The following ERBB4 variants were observed in gnomAD, a reference collection of about 807,000 sequenced individuals.
ERBB4 encodes the protein receptor tyrosine-protein kinase erbB-4.
Under a neutral mutation model 158.0 loss-of-function variants are expected in ERBB4, and 42 were observed. The observed-to-expected ratio is 0.27, with a 90% CI of 0.21 to 0.34. The LOEUF (loss-of-function observed/expected upper bound fraction) is 0.34. Ranked by LOEUF, ERBB4 falls within the 10% of genes least tolerant of loss-of-function variation. ERBB4 has a pLI of 1.00. For missense variants in ERBB4, 1,333 were observed against 1,624.1 expected (o/e 0.82, Z 3.08); for synonymous variants, 583 against 558.7 (o/e 1.04, Z -0.61).
At chr2:211,505,532 T>C (rs1415770366) in intron 20 of ERBB4, among the ~76,000 whole-genome samples, 1 of 149,362 alleles carries the variant, frequency 6.7e-6, no homozygotes, top group Non-Finnish European at 1.5e-5. Context: ...TCTCAGAGCC[T>C]ATAAAGTAAT....
intron 10 of ERBB4, among the ~76,000 whole-genome samples, chr2:211,705,047 C>T (rs969717073): frequency 3.9e-5 from 6 of 152,118 alleles, no homozygotes; most frequent in Admixed American, 1.3e-4. Context: ...ATCTCCACCT[C>T]CTGGGTTCAA....
At chr2:212,062,993 T>G (rs1445293933) in intron 2 of ERBB4, among the ~76,000 whole-genome samples, 2 of 152,194 alleles carry the variant, frequency 1.3e-5, no homozygotes. Flanking sequence ...TTGAATAAAA[T>G]AAACTATACA....
intron 1 of ERBB4, among the ~76,000 whole-genome samples, chr2:212,196,782 T>A (rs1225235738): frequency 1.3e-5 from 2 of 152,082 alleles, no homozygotes; most frequent in East Asian, 1.9e-4. Context: ...CTGCCCAAAT[T>A]AATAATTATG....
chr2:212,453,073 T>A (rs752421753), intron 1 of ERBB4, among the ~76,000 whole-genome samples: 1 of 152,190 alleles, frequency 6.6e-6, no homozygotes, highest in Non-Finnish European at 1.5e-5. Flanking sequence ...ATCACTCGAC[T>A]AGTCAAATAC....
At chr2:212,027,422 A>C (rs1482801232) in intron 2 of ERBB4, among the ~76,000 whole-genome samples, 1 of 152,068 alleles carries the variant, frequency 6.6e-6, no homozygotes, top group East Asian at 1.9e-4. Flanking sequence ...TAGCTTAATT[A>C]TAGGTTTTCA....
chr2:211,567,301 G>A (rs763637271), intron 19 of ERBB4, among the ~76,000 whole-genome samples: 44 of 152,078 alleles, frequency 2.9e-4, no homozygotes, highest in Non-Finnish European at 5.6e-4. Flanking sequence ...CAATCTTTAT[G>A]TTTTTAGCAA....
intron 3 of ERBB4, among the ~76,000 whole-genome samples, chr2:211,818,450 G>A (rs1206733758): frequency 6.6e-6 from 1 of 151,990 alleles, no homozygotes; most frequent in African/African-American, 2.4e-5. Flanking sequence ...GCTGGGTTTC[G>A]AATTACCAGT....
At chr2:211,485,722 G>T in intron 20 of ERBB4, among the ~76,000 whole-genome samples, 1 of 128,490 alleles carries the variant, frequency 7.8e-6, no homozygotes, top group Non-Finnish European at 1.6e-5. Flanking sequence ...GTGGGGGGAG[G>T]GGGGAGGGAT....
intron 2 of ERBB4, among the ~76,000 whole-genome samples, chr2:212,036,415 T>C (rs2077013764): frequency 6.6e-6 from 1 of 152,026 alleles, no homozygotes; most frequent in South Asian, 2.1e-4. Context: ...CGCTTATACA[T>C]ACAGCATTAT....
At chr2:212,165,040 G>A (rs1189289383) in intron 1 of ERBB4, among the ~76,000 whole-genome samples, 5 of 151,750 alleles carry the variant, frequency 3.3e-5, no homozygotes, top group Non-Finnish European at 5.9e-5. Context: ...AATTAACTGT[G>A]GTTAGTCAAA....
intron 19 of ERBB4, 36 bp from the exon 20 acceptor site, chr2:211,562,124 C>T (rs979692146): frequency 6.3e-7 from 1 of 1,585,412 alleles, no homozygotes; most frequent in Non-Finnish European, 8.6e-7. Context: ...GATTTCAACT[C>T]AAATTTTCTT....
intron 1 of ERBB4, among the ~76,000 whole-genome samples, chr2:212,129,034 T>G (rs1428592421): frequency 6.6e-6 from 1 of 152,060 alleles, no homozygotes; most frequent in Non-Finnish European, 1.5e-5. Flanking sequence ...TTATATGGGT[T>G]TATGAAATAT....
rs182828405 is a variant in ERBB4 at position 212,198,667 on chromosome 2, C to T, written c.83-73764G>A. 1.7e-4 allele frequency among the ~76,000 whole-genome samples: 26 copies of T among 150,628 alleles called. No individual in the cohort carries two copies. In the East Asian group the frequency reaches 3.9e-3, roughly 23 times the overall value. ...TCAGTTTACTGCAACCTCTGCCTCC[C>T]GGGTTCAAGCGATTCTCCTGGCTCA... is the stretch of plus-strand genomic sequence containing the variant. On this transcript the variant is annotated intron_variant, in intron 1 of 27. Transcript: ENST00000342788.
At chr2:211,580,787 GATATATATATATATATATATATATA>G (rs374409357) in intron 19 of ERBB4, among the ~76,000 whole-genome samples, 9,737 of 67,704 alleles carry the variant, frequency 0.14, 2,138 homozygotes, top group African/African-American at 0.43. Flanking sequence ...AAGAAATTGT[GATATATATATATATATATATATATA>G]ATATATATAT....
intron 1 of ERBB4, among the ~76,000 whole-genome samples, chr2:212,339,847 G>C (rs889002501): frequency 1.3e-5 from 2 of 151,942 alleles, no homozygotes; most frequent in Non-Finnish European, 2.9e-5. Context: ...CAGAAAATCT[G>C]TATACTATAA....
chr2:211,443,616 C>T (rs535889032), intron 20 of ERBB4, among the ~76,000 whole-genome samples: 1 of 152,098 alleles, frequency 6.6e-6, no homozygotes, highest in South Asian at 2.1e-4. Context: ...TTAACCCATT[C>T]CTGTTTATCA....
chr2:211,757,181 G>A lies in ERBB4; in HGVS notation c.557-6477C>T, dbSNP rs116737598. ...TCTGTTTATTTGTATTCACTCTTCT[G>A]TTATGTGAGTTGACTTTACTTTTTA... On this transcript the variant is annotated intron_variant, in intron 4 of 27. Coordinates refer to ENST00000342788, the MANE Select transcript of ERBB4 (RefSeq NM_005235.3). 6.0e-3 allele frequency among the ~76,000 whole-genome samples: 913 copies of A among 152,154 alleles called. 8 individuals carry two copies. Among genetic ancestry groups the A allele is most frequent in the African/African-American group, 0.021 (873 of 41,528 alleles).
chr2:211,538,872 T>C (rs2066724333), intron 20 of ERBB4, among the ~76,000 whole-genome samples: 1 of 151,906 alleles, frequency 6.6e-6, no homozygotes, highest in South Asian at 2.1e-4. Flanking sequence ...TCCATTATTT[T>C]AGGAGTTAAT....
chr2:212,087,998 C>T (rs774361111), intron 2 of ERBB4, among the ~76,000 whole-genome samples: 6 of 152,100 alleles, frequency 3.9e-5, no homozygotes, highest in South Asian at 2.1e-4. Context: ...GCACTAAACA[C>T]TCACAATCAT....
Sources: allele counts gnomAD v4.1 joint callset (sites outside exome capture counted in the v4.1 genomes callset), GRCh38; gene constraint gnomAD v4.1.1; transcripts MANE v1.5; gene names NCBI Gene and HGNC (gene_info 2026-07-23, HGNC 2026-07-21).